The following RGS4 variants were observed in gnomAD, a reference collection of about 807,000 sequenced individuals.
RGS4 encodes regulator of G protein signaling 4.
RGS4 carries 15 observed loss-of-function variants against 21.6 expected under a neutral mutation model. That is an observed-to-expected ratio of 0.69 (90% confidence interval 0.46 to 1.07). The LOEUF (loss-of-function observed/expected upper bound fraction) is 1.07. Among genes scored for constraint, RGS4 ranks in the 50% least tolerant of loss-of-function variants. The pLI is 0.00. For missense variants in RGS4, 237 were observed against 239.0 expected (o/e 0.99, Z 0.06); for synonymous variants, 94 against 85.5 (o/e 1.10, Z -0.55).
At chr1:163,072,697 A>G (rs1008983471) in intron 2 of RGS4, 108 bp from the exon 3 acceptor site, 12 of 1,018,582 alleles carry the variant, frequency 1.2e-5, no homozygotes, top group African/African-American at 6.5e-5. Flanking sequence ...ATATTTTGTC[A>G]TAACGATGGA....
chr1:163,068,933 C>T (rs1295919828), upstream of RGS4: 10 of 1,584,092 alleles, frequency 6.3e-6, no homozygotes, highest in Non-Finnish European at 8.7e-6. Context: ...AGATCTTGGA[C>T]CATGTATAAT....
chr1:163,069,043 T>C, upstream of RGS4: 28 of 1,559,250 alleles, frequency 1.8e-5, no homozygotes, highest in Non-Finnish European at 2.4e-5. Context: ...AGCAACTTCC[T>C]TGATATTTTT....
intron 1 of RGS4, 97 bp from the exon 2 acceptor site, chr1:163,072,298 C>G: frequency 1.0e-6 from 1 of 986,560 alleles, no homozygotes; most frequent in Non-Finnish European, 1.5e-6. Flanking sequence ...TGTCTCTGAG[C>G]CATAGACTAG....
In RGS4 at chr1:163,076,015, G is replaced by A. The variant is rs965015025; in HGVS notation, c.*1455G>A. ...GAATTACTGTTTGAAACTTTTCAAG[G>A]CACATTGAAATACTTGAAAACTTCT... On this transcript the variant is annotated 3_prime_UTR_variant, in exon 5 of 5. Transcript: ENST00000367909. The A allele has an allele frequency of 6.6e-6, 1 of 152,448 alleles. No homozygotes were observed. Among genetic ancestry groups the A allele is most frequent in the Non-Finnish European group, 1.5e-5 (1 of 67,994 alleles). 9.4% of individuals were successfully genotyped at this position (152,448 alleles called of 1,614,324 possible).
Position 163,074,425 on chromosome 1 carries a change from G to A in RGS4, c.483G>A (p.Glu161=). ...EAQKKIFNLM[E]KDSYRRFLKS... ...AGAAGAAGATTTTCAACCTGATGGA[G>A]AAGGATTCCTACCGCCGCTTCCTCA... The change falls in exon 5 of 5, where the codon GAG becomes GAA. Residue 161 remains glutamate, a synonymous_variant. Coordinates refer to ENST00000367909, the MANE Select transcript of RGS4 (RefSeq NM_005613.6). 6.2e-7 allele frequency: 1 copy of A among 1,613,932 alleles called. No individual in the cohort carries two copies. The highest frequency in any genetic ancestry group is 1.1e-5 in the South Asian group (1 of 91,076).
At chr1:163,070,240 A>T (rs1291300881) in intron 1 of RGS4, among the ~76,000 whole-genome samples, 2 of 152,144 alleles carry the variant, frequency 1.3e-5, no homozygotes, top group Non-Finnish European at 2.9e-5. Flanking sequence ...CCTTACAGAC[A>T]TACAGCTATT....
At position 163,074,690 on chromosome 1, in the gene RGS4, T is replaced by A; in HGVS notation, c.*130T>A. 1.5e-6 allele frequency: 2 copies of A among 1,316,826 alleles called. No homozygotes were observed. Among genetic ancestry groups the A allele is most frequent in the East Asian group, 2.3e-5 (1 of 43,196 alleles). The allele number at this position is 1,316,826 out of a possible 1,614,324, so 81.6% of individuals were successfully genotyped here. ...AGCCTAATATTCATGCTGCCTGCCATGTGTGAGTCACTTCTACGCATAAAC... is the reference window on the plus strand; with the variant it reads ...AGCCTAATATTCATGCTGCCTGCCAAGTGTGAGTCACTTCTACGCATAAAC... On this transcript the variant is annotated 3_prime_UTR_variant, in exon 5 of 5. Transcript: ENST00000367909.
chr1:163,071,610 G>C (rs1315100364), intron 1 of RGS4, among the ~76,000 whole-genome samples: 1 of 152,066 alleles, frequency 6.6e-6, no homozygotes, highest in South Asian at 2.1e-4. Context: ...TGGAAGCTCA[G>C]TGATGACTCT....
intron 2 of RGS4, 103 bp from the exon 3 acceptor site, chr1:163,072,702 G>A (rs903420203): frequency 9.6e-5 from 101 of 1,049,362 alleles, no homozygotes; most frequent in Middle Eastern, 2.1e-4. Flanking sequence ...TTGTCATAAC[G>A]ATGGAAAATA....
chr1:163,069,558 T>A (rs1467112970), intron 1 of RGS4, 30 bp downstream of exon 1: 1 of 1,578,242 alleles, frequency 6.3e-7, no homozygotes, highest in Non-Finnish European at 8.7e-7. Context: ...TTAACCATAT[T>A]AAACTTTTGG....
intron 3 of RGS4, 22 bp from the exon 4 acceptor site, chr1:163,073,434 G>A (rs1290327355): frequency 5.2e-6 from 8 of 1,533,826 alleles, no homozygotes; most frequent in Non-Finnish European, 7.0e-6. Context: ...TGACAACTGT[G>A]GTCCTTTCTC....
upstream of RGS4, chr1:163,069,137 T>C: frequency 1.3e-6 from 2 of 1,500,720 alleles, no homozygotes; most frequent in East Asian, 2.5e-5. Flanking sequence ...ACCTCTGACA[T>C]TGGTGGAGAC....
intron 4 of RGS4, 72 bp downstream of exon 4, chr1:163,073,694 C>A: frequency 3.0e-6 from 3 of 991,080 alleles, no homozygotes; most frequent in Non-Finnish European, 4.4e-6. Context: ...TACATGCATA[C>A]AATGTGATAA....
chr1:163,072,416 G>A lies in RGS4; in HGVS notation c.66G>A (p.Arg22=), dbSNP rs746584678. 4 of 1,612,800 alleles carry A rather than the reference G, an allele frequency of 2.5e-6. No homozygotes were observed. The Admixed American group carries it at 6.7e-5, about 27-fold the overall frequency. The change falls in exon 2 of 5, where the codon CGG becomes CGA. Residue 22 remains arginine, a synonymous_variant. Transcript: ENST00000367909. The stretch of plus-strand genomic sequence containing the variant: ...GCAGTGCAAAAGATATGAAACATCG[G>A]CTAGGTTTCCTGCTGCAAAAATCTG... The part of the protein sequence containing the change: ...CLRSAKDMKH[R]LGFLLQKSDS...
At chr1:163,069,038 C>A (rs746291994), upstream of RGS4, 2 of 1,567,392 alleles carry the variant, frequency 1.3e-6, no homozygotes, top group Non-Finnish European at 1.7e-6. Flanking sequence ...CAGGAAGCAA[C>A]TTCCTTGATA....
intron 1 of RGS4, chr1:163,071,952 A>G (rs1013609608): frequency 3.1e-6 from 3 of 981,108 alleles, no homozygotes; most frequent in African/African-American, 3.6e-5. Context: ...AGGGGAACAG[A>G]TGGAAATAGC....
At chr1:163,073,309 A>C (rs1162476763) in intron 3 of RGS4, 147 bp from the exon 4 acceptor site, 5 of 594,886 alleles carry the variant, frequency 8.4e-6, no homozygotes, top group Non-Finnish European at 1.4e-5. Flanking sequence ...GGGTTACCTG[A>C]CTCCAGGTGA....
chr1:163,073,681 T>G, intron 4 of RGS4, 59 bp downstream of exon 4: 2 of 1,119,254 alleles, frequency 1.8e-6, no homozygotes, highest in Middle Eastern at 2.5e-4. Context: ...TGTGATATTT[T>G]GATACATGCA....
chr1:163,073,365 A>G, intron 3 of RGS4, 91 bp from the exon 4 acceptor site: 1 of 1,046,272 alleles, frequency 9.6e-7, no homozygotes, highest in Non-Finnish European at 1.4e-6. Flanking sequence ...TCCATGCTTT[A>G]TCCCCCAAGT....
Sources: allele counts gnomAD v4.1 joint callset (sites outside exome capture counted in the v4.1 genomes callset), GRCh38; gene constraint gnomAD v4.1.1; transcripts MANE v1.5; gene names NCBI Gene and HGNC (gene_info 2026-07-23, HGNC 2026-07-21).